The following CDH17 variants were observed in gnomAD, a reference collection of about 807,000 sequenced individuals.
CDH17 encodes cadherin-17.
A neutral mutation model predicts 86.3 loss-of-function variants in CDH17; 67 were observed. That is an observed-to-expected ratio of 0.78 (90% CI 0.64 to 0.95). The LOEUF is 0.95. Ranked by LOEUF, CDH17 falls within the 40% of genes least tolerant of loss-of-function variation. CDH17 has a pLI of 0.00. For missense variants in CDH17, 993 were observed against 1,017.6 expected (o/e 0.98, Z 0.33); for synonymous variants, 367 against 366.4 (o/e 1.00, Z -0.02).
intron 1 of CDH17, among the ~76,000 whole-genome samples, chr8:94,200,537 G>GTTT (rs10600702): frequency 1.1e-4 from 6 of 56,932 alleles, no homozygotes; most frequent in Admixed American, 2.4e-4. Flanking sequence ...ATTATCTTTT[G>GTTT]TTTTTTTTTT....
At chr8:94,136,649 G>A (rs573747213) in intron 15 of CDH17, among the ~76,000 whole-genome samples, 14 of 152,246 alleles carry the variant, frequency 9.2e-5, no homozygotes, top group African/African-American at 2.2e-4. Context: ...CTGTCAACTC[G>A]TCAAAGTCAT....
intron 15 of CDH17, among the ~76,000 whole-genome samples, chr8:94,131,604 T>C (rs9650131): frequency 6.6e-6 from 1 of 152,014 alleles, no homozygotes. Context: ...TGCTTAGGAA[T>C]TCTAGATAGC....
chr8:94,152,663 G>C (rs1026306863), intron 12 of CDH17, among the ~76,000 whole-genome samples: 1 of 152,124 alleles, frequency 6.6e-6, no homozygotes, highest in Non-Finnish European at 1.5e-5. Context: ...CTCCCAAAGG[G>C]CTGGGATTAC....
intron 7 of CDH17, among the ~76,000 whole-genome samples, chr8:94,173,061 G>A (rs1300495121): frequency 6.6e-6 from 1 of 152,088 alleles, no homozygotes; most frequent in Non-Finnish European, 1.5e-5. Context: ...CATACATAGT[G>A]CACCATAAAT....
chr8:94,178,946 T>C (rs1051840008), intron 3 of CDH17, among the ~76,000 whole-genome samples: 1 of 151,334 alleles, frequency 6.6e-6, no homozygotes, highest in Non-Finnish European at 1.5e-5. Context: ...AAACTGCTCC[T>C]CCATAAAAGC....
At chr8:94,213,206 A>G (rs1007669135), upstream of CDH17, among the ~76,000 whole-genome samples, 6 of 152,328 alleles carry the variant, frequency 3.9e-5, no homozygotes, top group Middle Eastern at 3.4e-3. Flanking sequence ...TCCTGAGCTC[A>G]AGTGATTCTC....
chr8:94,141,521 C>T (rs1812638263), intron 15 of CDH17, among the ~76,000 whole-genome samples: 1 of 152,110 alleles, frequency 6.6e-6, no homozygotes, highest in Admixed American at 6.6e-5. Context: ...TCACAGACAA[C>T]ATGATTGTCT....
At chr8:94,199,782 G>A (rs998696709) in intron 1 of CDH17, among the ~76,000 whole-genome samples, 6 of 152,118 alleles carry the variant, frequency 3.9e-5, no homozygotes, top group African/African-American at 1.4e-4. Flanking sequence ...AGACCCAGGA[G>A]TTAGACTGGC....
rs189212329 is a variant in CDH17, at chr8:94,134,971, T to A, written c.2168-3979A>T. On this transcript the variant is annotated intron_variant, in intron 15 of 17. Coordinates refer to ENST00000027335, the MANE Select transcript of CDH17 (RefSeq NM_004063.4). ...TCAGTTTCCATGTAGTTGTGTGGTT[T>A]TGAGTGAGTTTTTGTCCTGAGTTCT... Among the ~76,000 whole-genome samples, 337 of 152,262 alleles carry A rather than the reference T, an allele frequency of 2.2e-3. 1 individual carries two copies. The highest frequency in any genetic ancestry group is 7.6e-3 in the African/African-American group (315 of 41,552).
At chr8:94,136,517 G>T (rs899099256) in intron 15 of CDH17, among the ~76,000 whole-genome samples, 1 of 152,248 alleles carries the variant, frequency 6.6e-6, no homozygotes, top group Middle Eastern at 3.4e-3. Flanking sequence ...TCTCTACACT[G>T]TTTATTCTAG....
At chr8:94,183,327 A>G (rs1813517560) in intron 3 of CDH17, among the ~76,000 whole-genome samples, 1 of 152,128 alleles carries the variant, frequency 6.6e-6, no homozygotes, top group Non-Finnish European at 1.5e-5. Flanking sequence ...AACGTTCTCT[A>G]ATTTCAAAAT....
intron 1 of CDH17, among the ~76,000 whole-genome samples, chr8:94,216,355 G>A (rs1814193415): frequency 6.6e-6 from 1 of 152,162 alleles, no homozygotes; most frequent in Admixed American, 6.5e-5. Context: ...AGTGGAGGAG[G>A]AGGGGAGAAC....
At chr8:94,216,330 A>G (rs1409847324) in intron 1 of CDH17, among the ~76,000 whole-genome samples, 2 of 152,158 alleles carry the variant, frequency 1.3e-5, no homozygotes, top group Non-Finnish European at 2.9e-5. Flanking sequence ...GGTCCACAGG[A>G]GCAGCCCACA....
At chr8:94,194,919 C>G (rs896909586) in intron 1 of CDH17, among the ~76,000 whole-genome samples, 3 of 152,214 alleles carry the variant, frequency 2.0e-5, no homozygotes, top group Non-Finnish European at 4.4e-5. Flanking sequence ...TCAAAACATG[C>G]TCACAATAAT....
chr8:94,180,107 T>A (rs1243427332), intron 3 of CDH17, among the ~76,000 whole-genome samples: 5 of 151,820 alleles, frequency 3.3e-5, no homozygotes, highest in Non-Finnish European at 7.4e-5. Flanking sequence ...AAATAGAAAT[T>A]TTTAAAATAG....
At chr8:94,169,911 A>G (rs917525413) in intron 9 of CDH17, among the ~76,000 whole-genome samples, 1 of 152,170 alleles carries the variant, frequency 6.6e-6, no homozygotes, top group African/African-American at 2.4e-5. Context: ...AGCTTCTTGG[A>G]AAGGGGGGCC....
At chr8:94,148,722 T>G (rs781505332) in intron 14 of CDH17, 22 bp downstream of exon 14, 341 of 263,558 alleles carry the variant, frequency 1.3e-3, no homozygotes, top group Middle Eastern at 3.8e-3. Flanking sequence ...TTTTTTTTTG[T>G]TTTTTTTTTT....
intron 9 of CDH17, among the ~76,000 whole-genome samples, chr8:94,167,373 G>T (rs1190485814): frequency 2.0e-5 from 3 of 152,088 alleles, no homozygotes; most frequent in Non-Finnish European, 4.4e-5. Flanking sequence ...TCCCATTTGT[G>T]GAGTTACACC....
intron 3 of CDH17, 33 bp downstream of exon 3, chr8:94,189,154 A>G: frequency 1.4e-6 from 2 of 1,471,314 alleles, no homozygotes; most frequent in African/African-American, 1.4e-5. Flanking sequence ...AGCATACAAA[A>G]TCAAGAGGAC....
Sources: allele counts gnomAD v4.1 joint callset (sites outside exome capture counted in the v4.1 genomes callset), GRCh38; gene constraint gnomAD v4.1.1; transcripts MANE v1.5; gene names NCBI Gene and HGNC (gene_info 2026-07-23, HGNC 2026-07-21).